The following ACSM3 variants were observed in gnomAD, a reference collection of about 807,000 sequenced individuals.
The protein encoded by ACSM3 is acyl-coenzyme A synthetase ACSM3, mitochondrial.
Under a neutral mutation model 74.1 loss-of-function variants are expected in ACSM3, and 61 were observed. That is an observed-to-expected ratio of 0.82 (90% CI 0.67 to 1.02). The LOEUF is 1.02. ACSM3 is among the 50% of genes least tolerant of loss of function. The pLI is 0.00. For missense variants in ACSM3, 660 were observed against 697.0 expected (o/e 0.95, Z 0.60); for synonymous variants, 213 against 241.5 (o/e 0.88, Z 1.09).
chr16:20,745,639 T>G (rs939627140), intron 1 of ACSM3, among the ~76,000 whole-genome samples: 2 of 152,152 alleles, frequency 1.3e-5, no homozygotes, highest in African/African-American at 4.8e-5. Flanking sequence ...TGTGGCACCA[T>G]CTAGAGTAGA....
intron 1 of ACSM3, among the ~76,000 whole-genome samples, chr16:20,733,241 TAGAAAA>T (rs2079841889): frequency 1.3e-5 from 2 of 152,156 alleles, no homozygotes; most frequent in Admixed American, 1.3e-4. Context: ...AATGATTACT[TAGAAAA>T]AGAAAGTGCA....
At chr16:20,771,464 C>A (rs185153753) in intron 2 of ACSM3, among the ~76,000 whole-genome samples, 1 of 146,526 alleles carries the variant, frequency 6.8e-6, no homozygotes. Flanking sequence ...TAAGCTCCCA[C>A]ATATGAGTAA....
chr16:20,762,921 C>G (rs776876307), upstream of ACSM3, among the ~76,000 whole-genome samples: 6 of 152,054 alleles, frequency 3.9e-5, no homozygotes, highest in African/African-American at 1.4e-4. Flanking sequence ...CTCTAGCCTG[C>G]GCAATAAGGC....
intron 1 of ACSM3, chr16:20,741,795 C>A: frequency 6.5e-7 from 1 of 1,546,608 alleles, no homozygotes; most frequent in Non-Finnish European, 8.7e-7. Flanking sequence ...TTGGCGTCCT[C>A]GTCTATCGCC....
At chr16:20,734,236 T>G (rs1248910233) in intron 1 of ACSM3, 2 of 152,644 alleles carry the variant, frequency 1.3e-5, no homozygotes, top group Non-Finnish European at 2.9e-5. Flanking sequence ...ATATGGCCAA[T>G]TTTCTTCCGA....
intron 1 of ACSM3, among the ~76,000 whole-genome samples, chr16:20,769,129 AATG>A (rs2080161061): frequency 6.6e-6 from 1 of 152,242 alleles, no homozygotes; most frequent in Non-Finnish European, 1.5e-5. Context: ...TTGTAGTTAG[AATG>A]ATGATTTAAT....
rs1382382892 is a variant in ACSM3, at chr16:20,713,800, A to T, written c.-189-36110A>T. ...GGGGGTAGTTTTCAAGATGGAAAAA[A>T]TCCTCATTTCAAACTTTGAAGTGCC... is the stretch of plus-strand genomic sequence containing the variant. On this transcript the variant is annotated intron_variant, in intron 1 of 3. Coordinates refer to the ACSM3 transcript ENST00000561584. 2.6e-5 allele frequency among the ~76,000 whole-genome samples: 4 copies of T among 152,150 alleles called. No individual in the cohort carries two copies. In the East Asian group the frequency reaches 7.7e-4, roughly 29 times the overall value.
chr16:20,785,428 C>T (rs1005778723), intron 8 of ACSM3, among the ~76,000 whole-genome samples: 2 of 152,100 alleles, frequency 1.3e-5, no homozygotes, highest in African/African-American at 4.8e-5. Context: ...TTATTTAGGG[C>T]TGCCTCAAAA....
At chr16:20,793,247 T>A (rs533436535) in intron 12 of ACSM3, among the ~76,000 whole-genome samples, 1 of 152,232 alleles carries the variant, frequency 6.6e-6, no homozygotes, top group South Asian at 2.1e-4. Flanking sequence ...GGTGGGTGGA[T>A]CACCTGAGGT....
intron 1 of ACSM3, among the ~76,000 whole-genome samples, chr16:20,678,584 C>T (rs1000924610): frequency 6.6e-6 from 1 of 152,320 alleles, no homozygotes; most frequent in African/African-American, 2.4e-5. Context: ...AGAGAAGGAA[C>T]TAGAGGTGAC....
At position 20,796,503 on chromosome 16, in the gene ACSM3, T is replaced by G; in HGVS notation, c.1674+14T>G. On this transcript the variant is annotated intron_variant, in intron 13 of 13. Coordinates refer to ENST00000289416, the MANE Select transcript of ACSM3 (RefSeq NM_005622.4). ...TATCCCAGAAAGGTAGGCATCCTAA[T>G]TATAACGAATATTTGCTCAGTGTTG... 1 of 1,609,588 alleles carries G rather than the reference T, an allele frequency of 6.2e-7. No homozygotes were observed. Among genetic ancestry groups the G allele is most frequent in the Non-Finnish European group, 8.5e-7 (1 of 1,179,054 alleles).
intron 7 of ACSM3, among the ~76,000 whole-genome samples, chr16:20,782,783 G>A (rs1191535568): frequency 6.6e-6 from 1 of 152,172 alleles, no homozygotes; most frequent in Non-Finnish European, 1.5e-5. Flanking sequence ...GGCTCACAGA[G>A]TGCAAGAAAA....
At chr16:20,744,364 G>A (rs547133533) in intron 1 of ACSM3, among the ~76,000 whole-genome samples, 2 of 152,148 alleles carry the variant, frequency 1.3e-5, no homozygotes, top group Non-Finnish European at 2.9e-5. Context: ...ACTCACAGGT[G>A]GCTGATTGTT....
intron 1 of ACSM3, among the ~76,000 whole-genome samples, chr16:20,717,136 G>A (rs2079764690): frequency 6.6e-6 from 1 of 152,138 alleles, no homozygotes; most frequent in Non-Finnish European, 1.5e-5. Flanking sequence ...AGCTATGGTA[G>A]CTCCAGACAT....
intron 1 of ACSM3, among the ~76,000 whole-genome samples, chr16:20,730,050 A>G (rs2079821106): frequency 6.6e-6 from 1 of 152,168 alleles, no homozygotes; most frequent in Non-Finnish European, 1.5e-5. Context: ...GCATTTGCCT[A>G]CCTTAGATCA....
chr16:20,779,888 C>A, intron 4 of ACSM3: 1 of 190,270 alleles, frequency 5.3e-6, no homozygotes, highest in Non-Finnish European at 1.1e-5. Context: ...TCTCAGCCTC[C>A]TGAGTAGCTG....
intron 1 of ACSM3, among the ~76,000 whole-genome samples, chr16:20,745,969 G>C (rs2079956118): frequency 6.6e-6 from 1 of 152,174 alleles, no homozygotes; most frequent in East Asian, 1.9e-4. Context: ...CTTCTGACTT[G>C]ATTCCCAATA....
intron 1 of ACSM3, among the ~76,000 whole-genome samples, chr16:20,748,379 G>A (rs1302521155): frequency 2.6e-5 from 4 of 152,048 alleles, no homozygotes; most frequent in Non-Finnish European, 5.9e-5. Flanking sequence ...TATATTTTAG[G>A]GGTCACACCA....
chr16:20,751,582 C>G (rs962892058), intron 2 of ACSM3, among the ~76,000 whole-genome samples: 3 of 152,168 alleles, frequency 2.0e-5, no homozygotes, highest in African/African-American at 7.2e-5. Context: ...AAACACTGCT[C>G]ATCATCCCCC....
Sources: allele counts gnomAD v4.1 joint callset (sites outside exome capture counted in the v4.1 genomes callset), GRCh38; gene constraint gnomAD v4.1.1; transcripts MANE v1.5; gene names NCBI Gene and HGNC (gene_info 2026-07-23, HGNC 2026-07-21).